ENPP3: variants seen among roughly 807,000 people sequenced by gnomAD.
The protein encoded by ENPP3 is ectonucleotide pyrophosphatase/phosphodiesterase family member 3.
In ENPP3, 104 loss-of-function variants were observed where a neutral mutation model predicts 117.8. The ratio of observed to expected loss-of-function variants is 0.88; its 90% CI spans 0.75 to 1.04. The LOEUF (loss-of-function observed/expected upper bound fraction) is 1.04. Among genes scored for constraint, ENPP3 ranks in the 50% least tolerant of loss-of-function variants. The pLI, the probability that ENPP3 is intolerant of heterozygous loss-of-function variation, is 0.00. For synonymous variants in ENPP3, 380 were observed against 349.9 expected, an observed-to-expected ratio of 1.09 and a Z score of -0.96; for missense variants, 1,026 against 1,051.9, an observed-to-expected ratio of 0.98 and a Z score of 0.34.
intron 17 of ENPP3, among the ~76,000 whole-genome samples, chr6:131,720,762 T>C (rs1779999394): frequency 6.6e-6 from 1 of 152,036 alleles, no homozygotes; most frequent in Admixed American, 6.6e-5. Context: ...TTTTTGTATT[T>C]TTTGTAGAGA....
Position 131,693,524 on chromosome 6 carries a change from C to T in ENPP3, c.1312C>T (p.Pro438Ser), listed in dbSNP as rs368249447. Residue 438 changes from proline to serine, a missense_variant, in exon 15 of 25, where the codon CCC (proline) becomes TCC (serine). By Grantham distance (74) the Pro-to-Ser change is moderately conservative. Transcript: ENST00000357639. ...CCGAAAACCTGATCAGCATTTCAAG[C>T]CCTATTTGACTCCTGATTTGCCAAA... is the stretch of plus-strand genomic sequence containing the variant. ...SCRKPDQHFKPYLTPDLPKRL... is the reference protein window; with the variant it reads ...SCRKPDQHFKSYLTPDLPKRL... 2.7e-5 allele frequency: 43 copies of T among 1,612,740 alleles called. No homozygotes were observed. The East Asian group carries it at 5.4e-4, about 20-fold the overall frequency.
At chr6:131,735,996 A>C (rs1048306030) in intron 21 of ENPP3, among the ~76,000 whole-genome samples, 1 of 152,264 alleles carries the variant, frequency 6.6e-6, no homozygotes, top group Non-Finnish European at 1.5e-5. Context: ...AAATGAAATC[A>C]AATGAAAAAG....
At chr6:131,670,910 ATTTG>A (rs1455568677) in intron 6 of ENPP3, among the ~76,000 whole-genome samples, 1 of 152,168 alleles carries the variant, frequency 6.6e-6, no homozygotes, top group Non-Finnish European at 1.5e-5. Flanking sequence ...GACCATATTC[ATTTG>A]TTTATTTATT....
At chr6:131,684,598 G>A (rs1779107851) in intron 12 of ENPP3, among the ~76,000 whole-genome samples, 1 of 151,536 alleles carries the variant, frequency 6.6e-6, no homozygotes, top group Non-Finnish European at 1.5e-5. Flanking sequence ...AGAATCACTT[G>A]AACCCGGGAA....
chr6:131,702,190 CACTA>C (rs1779554024), intron 15 of ENPP3, among the ~76,000 whole-genome samples: 2 of 152,034 alleles, frequency 1.3e-5, no homozygotes, highest in African/African-American at 4.8e-5. Context: ...AAACAATGAA[CACTA>C]ACTGATACAC....
At chr6:131,740,453 C>A in intron 24 of ENPP3, 73 bp downstream of exon 24, 1 of 1,220,964 alleles carries the variant, frequency 8.2e-7, no homozygotes. Flanking sequence ...ATAAAAGTGG[C>A]TCTGACTAAA....
intron 6 of ENPP3, among the ~76,000 whole-genome samples, chr6:131,669,566 C>T (rs1778694084): frequency 7.0e-6 from 1 of 142,068 alleles, no homozygotes; most frequent in African/African-American, 2.6e-5. Context: ...CCCAGCTACT[C>T]GGGAGGCTGA....
chr6:131,663,768 T>A (rs1469552561), intron 6 of ENPP3, among the ~76,000 whole-genome samples: 1 of 152,112 alleles, frequency 6.6e-6, no homozygotes, highest in Non-Finnish European at 1.5e-5. Flanking sequence ...ATTATTCATA[T>A]TTTTGTGGTG....
intron 24 of ENPP3, among the ~76,000 whole-genome samples, chr6:131,744,867 C>T (rs1780601670): frequency 6.6e-6 from 1 of 151,848 alleles, no homozygotes; most frequent in Non-Finnish European, 1.5e-5. Context: ...AAATATAGCT[C>T]ATAAAACTGT....
At chr6:131,727,108 G>A (rs1585724038) in intron 20 of ENPP3, among the ~76,000 whole-genome samples, 1 of 152,158 alleles carries the variant, frequency 6.6e-6, no homozygotes, top group African/African-American at 2.4e-5. Flanking sequence ...CAAGTTATGA[G>A]TATCCAGAAC....
Position 131,690,425 on chromosome 6 carries a change from A to G in ENPP3, c.1285-3072A>G, listed in dbSNP as rs145758913. Among the ~76,000 whole-genome samples, 508 of 152,364 alleles carry G rather than the reference A, an allele frequency of 3.3e-3. 4 individuals carry two copies. Among genetic ancestry groups the G allele is most frequent in the African/African-American group, 0.011 (459 of 41,572 alleles). On this transcript the variant is annotated intron_variant, in intron 14 of 24. Coordinates refer to ENST00000357639, the MANE Select transcript of ENPP3 (RefSeq NM_005021.5). ...GATCAAAAAAGATGACAACTCACTGAACGCTCAGAGGATCATTGGCATTTT... is the reference window on the plus strand; with the variant it reads ...GATCAAAAAAGATGACAACTCACTGGACGCTCAGAGGATCATTGGCATTTT...
chr6:131,739,593 CTTTTTT>C (rs71270397), intron 23 of ENPP3, among the ~76,000 whole-genome samples: 3 of 87,462 alleles, frequency 3.4e-5, no homozygotes, highest in Non-Finnish European at 6.6e-5. Flanking sequence ...TCATGCTCTG[CTTTTTT>C]TTTTTTTTTT....
chr6:131,697,962 G>A (rs545507624), intron 15 of ENPP3, among the ~76,000 whole-genome samples: 131 of 152,266 alleles, frequency 8.6e-4, no homozygotes, highest in African/African-American at 3.1e-3. Context: ...GTGCATCACC[G>A]GGAAGGTATT....
chr6:131,674,336 A>G, intron 8 of ENPP3, 55 bp downstream of exon 8: 1 of 1,561,474 alleles, frequency 6.4e-7, no homozygotes, highest in Admixed American at 1.7e-5. Flanking sequence ...TCAGTGTGAC[A>G]GGAGGACACT....
rs763353328 is a variant in ENPP3, at chr6:131,674,275, G to C, written c.756G>C (p.Gly252=). ...KEQNNPAWWH[G]QPMWLTAMYQ... Reference sequence around the variant, plus strand: ...AAAATAATCCAGCCTGGTGGCATGGGCAACCAGTATGTAGCATTCTACACG... The same window carrying C: ...AAAATAATCCAGCCTGGTGGCATGGCCAACCAGTATGTAGCATTCTACACG... The change falls in exon 8 of 25, where the codon GGG becomes GGC. Residue 252 remains glycine (G), a synonymous_variant. Transcript: ENST00000357639. 3 of 1,613,654 alleles carry C rather than the reference G, an allele frequency of 1.9e-6. No individual in the cohort carries two copies. The South Asian group carries it at 3.3e-5, about 18-fold the overall frequency.
intron 15 of ENPP3, among the ~76,000 whole-genome samples, chr6:131,703,796 G>A (rs1414267687): frequency 6.6e-5 from 10 of 151,202 alleles, no homozygotes; most frequent in African/African-American, 2.4e-4. Context: ...AGAAGGGAAG[G>A]TGTTATTAAG....
At chr6:131,639,270 T>A (rs1449345642) in intron 1 of ENPP3, among the ~76,000 whole-genome samples, 3 of 138,856 alleles carry the variant, frequency 2.2e-5, no homozygotes, top group African/African-American at 7.7e-5. Context: ...TATATATTTT[T>A]TTTTTTTTCT....
intron 15 of ENPP3, among the ~76,000 whole-genome samples, chr6:131,693,972 A>G (rs1364417213): frequency 6.6e-6 from 1 of 152,216 alleles, no homozygotes; most frequent in Admixed American, 6.5e-5. Context: ...GATTGATTAC[A>G]CAACTCTTTA....
chr6:131,731,522 T>C (rs1308817381), intron 20 of ENPP3, among the ~76,000 whole-genome samples: 1 of 152,264 alleles, frequency 6.6e-6, no homozygotes, highest in East Asian at 1.9e-4. Flanking sequence ...TCTTTCAGTA[T>C]GGTGCACCTG....
Sources: gnomAD v4.1 joint callset for allele counts (sites outside exome capture counted in the v4.1 genomes callset) on GRCh38, gnomAD v4.1.1 for gene constraint, MANE v1.5 for transcripts, NCBI Gene and HGNC (gene_info 2026-07-23, HGNC 2026-07-21) for gene names.